Variants in TRPA1 observed in about 807,000 individuals in gnomAD.
TRPA1 encodes ankyrin-like with transmembrane domains 1.
In TRPA1, 129 loss-of-function variants were observed where a neutral mutation model predicts 131.3. The observed-to-expected ratio is 0.98, with a 90% CI of 0.85 to 1.14. The LOEUF (loss-of-function observed/expected upper bound fraction) is 1.14. Ranked by LOEUF, TRPA1 falls within the 50% of genes most tolerant of loss-of-function variation. TRPA1 has a pLI of 0.00. For synonymous variants in TRPA1, 441 were observed against 451.7 expected (o/e 0.98, Z 0.30); for missense variants, 1,304 against 1,354.2 (o/e 0.96, Z 0.58).
At chr8:72,065,371 G>A in intron 4 of TRPA1, 80 bp downstream of exon 4, 1 of 1,263,956 alleles carries the variant, frequency 7.9e-7, no homozygotes. Flanking sequence ...AAAAACTTAA[G>A]AGATTTTGTA....
At chr8:72,087,479 G>C in the TRPA1 span, among the ~76,000 whole-genome samples, 6 of 151,968 alleles carry the variant, frequency 3.9e-5, no homozygotes, top group African/African-American at 1.5e-4. Context: ...TGATTTTTCT[G>C]AGTGCATATT....
intron 12 of TRPA1, 122 bp from the exon 13 acceptor site, chr8:72,053,989 A>G: frequency 4.3e-6 from 3 of 702,376 alleles, no homozygotes; most frequent in Non-Finnish European, 5.1e-6. Context: ...AGATCTGGCA[A>G]CTAAATATTT....
chr8:72,060,124 C>T (rs1271451184), intron 7 of TRPA1, among the ~76,000 whole-genome samples: 4 of 151,468 alleles, frequency 2.6e-5, no homozygotes, highest in Non-Finnish European at 5.9e-5. Flanking sequence ...CAAGAGGTTG[C>T]ATTATATTTA....
Position 72,061,624 on chromosome 8 carries a change from C to T in TRPA1, c.944+1G>A. On this transcript the variant is annotated splice_donor_variant, in intron 7 of 26. Coordinates refer to ENST00000262209, the MANE Select transcript of TRPA1 (RefSeq NM_007332.3). LOFTEE classifies it high-confidence loss of function. ...TACAGAATGATAGGTAGGAAACTTG[C>T]CTGTGAAGCATGGTCTCATGACATC... The T allele has an allele frequency of 1.2e-6, 2 of 1,613,894 alleles. No homozygotes were observed. Among genetic ancestry groups the T allele is most frequent in the South Asian group, 1.1e-5 (1 of 91,082 alleles).
chr8:72,080,390 G>GT (rs940637403), upstream of TRPA1, among the ~76,000 whole-genome samples: 3 of 99,882 alleles, frequency 3.0e-5, no homozygotes, highest in African/African-American at 9.4e-5. Context: ...ATGATCACAT[G>GT]TTTTTTTCTC....
intron 8 of TRPA1, among the ~76,000 whole-genome samples, chr8:72,058,840 T>A (rs1351950630): frequency 6.6e-6 from 1 of 152,210 alleles, no homozygotes; most frequent in Non-Finnish European, 1.5e-5. Context: ...CATACATTCA[T>A]CCGTATAAAG....
At chr8:72,036,547 T>C in intron 20 of TRPA1, 90 bp from the exon 21 acceptor site, 4 of 1,275,188 alleles carry the variant, frequency 3.1e-6, no homozygotes, top group Non-Finnish European at 4.4e-6. Flanking sequence ...ACAATTTTTC[T>C]AGCTTTGCAG....
At chr8:72,037,035 C>T (rs1241284970) in intron 20 of TRPA1, among the ~76,000 whole-genome samples, 2 of 152,026 alleles carry the variant, frequency 1.3e-5, no homozygotes, top group Non-Finnish European at 2.9e-5. Flanking sequence ...TCAATTTAAA[C>T]TATAATCTGC....
At chr8:72,075,252 C>T (rs781141515) in intron 1 of TRPA1, 47 bp downstream of exon 1, 6 of 1,483,368 alleles carry the variant, frequency 4.0e-6, no homozygotes, top group Non-Finnish European at 5.6e-6. Flanking sequence ...CAGCCGACCC[C>T]CGCCCGCACG....
At chr8:72,074,820 C>T (rs1806138084) in intron 1 of TRPA1, among the ~76,000 whole-genome samples, 2 of 152,170 alleles carry the variant, frequency 1.3e-5, no homozygotes, top group Non-Finnish European at 2.9e-5. Flanking sequence ...TTTTCTGCAA[C>T]GCTCTAAGTG....
intron 4 of TRPA1, 68 bp downstream of exon 4, chr8:72,065,383 A>G (rs773744661): frequency 1.3e-5 from 17 of 1,274,702 alleles, no homozygotes; most frequent in Middle Eastern, 4.8e-4. Flanking sequence ...GATTTTGTAA[A>G]TAATAATAAT....
chr8:72,062,973 C>T, intron 5 of TRPA1, 29 bp from the exon 6 acceptor site: 1 of 1,594,130 alleles, frequency 6.3e-7, no homozygotes, highest in Non-Finnish European at 8.6e-7. Context: ...TTCAACATAA[C>T]AAATATATAA....
Position 72,052,761 on chromosome 8 carries a change from G to A in TRPA1, c.1649C>T (p.Thr550Ile), listed in dbSNP as rs757857454. ...TTCCCTTGCAGCAAAGTGAAGTGCA[G>A]TGTTCTTTTGAAGAAAAACAGACAC... ...CTDRLDEDGN[T>I]ALHFAAREGH... Residue 550 changes from threonine (T) to isoleucine (I), a missense_variant, in exon 14 of 27, where the codon ACT (threonine) becomes ATT (isoleucine). Coordinates refer to ENST00000262209, the MANE Select transcript of TRPA1 (RefSeq NM_007332.3). 6.2e-7 allele frequency: 1 copy of A among 1,612,690 alleles called. No homozygotes were observed. The highest frequency in any genetic ancestry group is 8.5e-7 in the Non-Finnish European group (1 of 1,179,782).
Position 72,022,921 on chromosome 8 carries a change from G to A in TRPA1, c.3345C>T (p.His1115=), listed in dbSNP as rs760043468. 7.4e-6 allele frequency: 12 copies of A among 1,613,646 alleles called. No homozygotes were observed. The highest frequency in any genetic ancestry group is 3.3e-5 in the South Asian group (3 of 91,070). Residue 1115 remains histidine (H), a synonymous_variant, in exon 27 of 27, where the codon CAC becomes CAT. Transcript: ENST00000262209. ...GTCTGAGGAGCTAAGGCTCAAGATGGTGTGTTTTTGCCTTGACTGCTCTCA... is the reference window on the plus strand; with the variant it reads ...GTCTGAGGAGCTAAGGCTCAAGATGATGTGTTTTTGCCTTGACTGCTCTCA... ...TVLRAVKAKT[H]HLEP is the part of the protein sequence containing the mutation.
At chr8:72,023,378 A>T in intron 26 of TRPA1, 1 of 533,318 alleles carries the variant, frequency 1.9e-6, no homozygotes, top group Non-Finnish European at 3.4e-6. Context: ...AAGGTTAAGC[A>T]GATTGCCCAG....
intron 1 of TRPA1, 53 bp downstream of exon 1, chr8:72,075,246 C>G: frequency 7.0e-7 from 1 of 1,429,628 alleles, no homozygotes; most frequent in Non-Finnish European, 9.8e-7. Flanking sequence ...AACCTCCAGC[C>G]GACCCCCGCC....
chr8:72,037,295 A>C (rs560567992), intron 20 of TRPA1, among the ~76,000 whole-genome samples: 1 of 152,264 alleles, frequency 6.6e-6, no homozygotes, highest in East Asian at 1.9e-4. Context: ...GAGGTGTTGT[A>C]TAAAAGACAT....
At chr8:72,039,253 T>C (rs1316848890) in intron 18 of TRPA1, among the ~76,000 whole-genome samples, 1 of 152,088 alleles carries the variant, frequency 6.6e-6, no homozygotes, top group Non-Finnish European at 1.5e-5. Flanking sequence ...GCCAGGATGT[T>C]AGCCCATATA....
chr8:72,050,736 T>C, intron 15 of TRPA1, 42 bp downstream of exon 15: 1 of 1,288,346 alleles, frequency 7.8e-7, no homozygotes. Flanking sequence ...ACAACATATG[T>C]CAAGCATAAA....
Sources: gnomAD v4.1 joint callset for allele counts (sites outside exome capture counted in the v4.1 genomes callset) on GRCh38, gnomAD v4.1.1 for gene constraint, MANE v1.5 for transcripts, NCBI Gene and HGNC (gene_info 2026-07-23, HGNC 2026-07-21) for gene names.